CDYL: variants seen among roughly 807,000 people sequenced by gnomAD.
CDYL encodes chromodomain Y like.
Under a neutral mutation model 47.3 loss-of-function variants are expected in CDYL, and 8 were observed. The observed-to-expected ratio is 0.17, with a 90% CI of 0.10 to 0.31. The LOEUF is 0.31. Among genes scored for constraint, CDYL ranks in the 10% least tolerant of loss-of-function variants. The pLI, the probability that CDYL is intolerant of heterozygous loss-of-function variation, is 1.00. For missense variants in CDYL, 471 were observed against 701.4 expected (o/e 0.67, Z 3.71); for synonymous variants, 266 against 265.0 (o/e 1.00, Z -0.04).
At chr6:4,853,206 G>A (rs1423293340) in intron 1 of CDYL, among the ~76,000 whole-genome samples, 4 of 152,116 alleles carry the variant, frequency 2.6e-5, no homozygotes, top group East Asian at 1.9e-4. Context: ...CAGTAATTCC[G>A]TAGCCATTAC....
At chr6:4,900,885 A>G (rs1338514007) in intron 2 of CDYL, among the ~76,000 whole-genome samples, 1 of 138,242 alleles carries the variant, frequency 7.2e-6, no homozygotes, top group Non-Finnish European at 1.5e-5. Flanking sequence ...CATTTCGTGA[A>G]TGTACCTGTC....
Position 4,909,395 on chromosome 6 carries a change from T to C in CDYL, c.691+17016T>C, listed in dbSNP as rs573029143. On this transcript the variant is annotated intron_variant, in intron 2 of 6. Coordinates refer to ENST00000397588, the MANE Select transcript of CDYL (RefSeq NM_004824.4). ...CCTTTCCTGCATCCTTATTATCAGC[T>C]CTGCTGCTCACCATTGCCACCACCT... Among the ~76,000 whole-genome samples, 4 of 152,290 alleles carry C rather than the reference T, an allele frequency of 2.6e-5. No individual in the cohort carries two copies. In the South Asian group the frequency reaches 8.3e-4, roughly 32 times the overall value.
chr6:4,878,484 A>G (rs1252674337), intron 1 of CDYL, among the ~76,000 whole-genome samples: 1 of 151,920 alleles, frequency 6.6e-6, no homozygotes, highest in Non-Finnish European at 1.5e-5. Context: ...ATATATGTAT[A>G]TATTCATACT....
At chr6:4,894,869 A>G (rs1762154358) in intron 2 of CDYL, among the ~76,000 whole-genome samples, 1 of 20,688 alleles carries the variant, frequency 4.8e-5, no homozygotes, top group Non-Finnish European at 6.5e-4. Flanking sequence ...ATGTGTATAT[A>G]CACACATGTG....
chr6:4,725,278 C>T (rs957610092), intron 2 of CDYL, among the ~76,000 whole-genome samples: 3 of 152,242 alleles, frequency 2.0e-5, no homozygotes, highest in Admixed American at 6.5e-5. Flanking sequence ...CAGTGGATCC[C>T]GCACCGAGGG....
intron 2 of CDYL, among the ~76,000 whole-genome samples, chr6:4,729,960 C>A (rs1176588162): frequency 2.6e-5 from 4 of 152,084 alleles, no homozygotes; most frequent in Admixed American, 2.6e-4. Flanking sequence ...CTTGAAACAT[C>A]CAAAAACCCA....
Position 4,776,648 on chromosome 6 carries a change from C to A in CDYL, c.-136C>A. On this transcript the variant is annotated 5_prime_UTR_variant, in exon 1 of 7. Coordinates refer to ENST00000397588, the MANE Select transcript of CDYL (RefSeq NM_004824.4). ...TGGCCGCGGAGTGCAAGAGGCTCGTCCGTGCCCAGCGCCCGGCCGGCCGCG... is the reference window on the plus strand; with the variant it reads ...TGGCCGCGGAGTGCAAGAGGCTCGTACGTGCCCAGCGCCCGGCCGGCCGCG... 1 of 705,794 alleles carries A rather than the reference C, an allele frequency of 1.4e-6. No individual in the cohort carries two copies. Among genetic ancestry groups the A allele is most frequent in the Non-Finnish European group, 2.0e-6 (1 of 512,772 alleles). The allele number at this position is 705,794 out of a possible 1,614,324, so 43.7% of individuals were successfully genotyped here. A position where few individuals can be genotyped will look rare whatever the true frequency, so the allele number is the denominator to read the frequency against.
In CDYL at chr6:4,935,780, C is replaced by A. The variant is rs73350313; in HGVS notation, c.948+9C>A. Reference sequence around the variant, plus strand: ...ACTCACTAAATCCAGAGGTGAGAGGCGCTCTTGGGCTGGCGTGGGCTTCGC... The same window carrying A: ...ACTCACTAAATCCAGAGGTGAGAGGAGCTCTTGGGCTGGCGTGGGCTTCGC... On this transcript the variant is annotated intron_variant, in intron 3 of 6. Transcript: ENST00000397588. The A allele has an allele frequency of 6.2e-7, 1 of 1,612,538 alleles. No individual in the cohort carries two copies. Among genetic ancestry groups the A allele is most frequent in the African/African-American group, 1.3e-5 (1 of 74,990 alleles).
rs142044287 is a variant in CDYL, at chr6:4,729,650, G to T, written c.104-5112G>T. 2.5e-3 allele frequency among the ~76,000 whole-genome samples: 388 copies of T among 152,360 alleles called. 3 individuals carry two copies. The highest frequency in any genetic ancestry group is 9.2e-3 in the African/African-American group (382 of 41,586). On this transcript the variant is annotated intron_variant, in intron 2 of 8. Coordinates refer to the CDYL transcript ENST00000328908. ...TAAAAGGTGGAGGCTGGGCATGGTG[G>T]CTCATGTCTGTAATCCCAGCACTTT...
Position 4,722,965 on chromosome 6 carries a change from T to A in CDYL, c.103+7084T>A, listed in dbSNP as rs140386461. On this transcript the variant is annotated intron_variant, in intron 2 of 8. Coordinates refer to the CDYL transcript ENST00000328908. ...TACCCTAGCATAAGCAATCTTTGAA[T>A]GAAAATATCAAAATCATCAAGACCA... 3.9e-5 allele frequency among the ~76,000 whole-genome samples: 6 copies of A among 152,242 alleles called. No homozygotes were observed. The East Asian group carries it at 9.7e-4, about 25-fold the overall frequency.
intron 1 of CDYL, among the ~76,000 whole-genome samples, chr6:4,800,590 C>A (rs946440181): frequency 2.6e-5 from 4 of 152,052 alleles, no homozygotes; most frequent in African/African-American, 9.7e-5. Context: ...GACTAGAGAT[C>A]TTTCTTTAGC....
Position 4,891,743 on chromosome 6 carries a change from A to C in CDYL, c.55A>C (p.Lys19Gln). 1 of 1,613,082 alleles carries C rather than the reference A, an allele frequency of 6.2e-7. No individual in the cohort carries two copies. The highest frequency in any genetic ancestry group is 8.5e-7 in the Non-Finnish European group (1 of 1,179,438). The change falls in exon 2 of 7, where the codon AAA becomes CAA. Residue 19 changes from lysine to glutamine, a missense_variant. Lys to Gln is a moderately conservative substitution (Grantham distance 53). Coordinates refer to ENST00000397588, the MANE Select transcript of CDYL (RefSeq NM_004824.4). ...VERIVDKRKN[K>Q]KGKTEYLVRW... is the part of the protein sequence containing the mutation. ...AAGGATTGTTGACAAAAGGAAAAATAAAAAAGGGAAGACAGAGTATTTGGT... is the reference window on the plus strand; with the variant it reads ...AAGGATTGTTGACAAAAGGAAAAATCAAAAAGGGAAGACAGAGTATTTGGT...
chr6:4,914,192 G>T (rs907071396), intron 2 of CDYL, among the ~76,000 whole-genome samples: 2 of 143,354 alleles, frequency 1.4e-5, no homozygotes, highest in African/African-American at 5.2e-5. Context: ...TCTGCTCAAG[G>T]AGTGAAAGAG....
intron 1 of CDYL, among the ~76,000 whole-genome samples, chr6:4,878,691 C>CAATTAAATTAAA (rs1411013687): frequency 1.3e-5 from 2 of 151,934 alleles, no homozygotes; most frequent in Non-Finnish European, 2.9e-5. Flanking sequence ...TGACTTAGGG[C>CAATTAAATTAAA]TATATCAATT....
At chr6:4,722,554 T>C (rs1029195718) in intron 2 of CDYL, among the ~76,000 whole-genome samples, 4 of 152,002 alleles carry the variant, frequency 2.6e-5, no homozygotes, top group African/African-American at 9.7e-5. Flanking sequence ...CTAGAACTGC[T>C]ACAGTTTTAA....
At chr6:4,837,465 T>C (rs577331276) in intron 1 of CDYL, among the ~76,000 whole-genome samples, 22 of 148,030 alleles carry the variant, frequency 1.5e-4, no homozygotes, top group Non-Finnish European at 2.5e-4. Context: ...TTGTTGTCGT[T>C]GTTTTTTTTT....
intron 1 of CDYL, among the ~76,000 whole-genome samples, chr6:4,890,390 C>T (rs1762009876): frequency 6.6e-6 from 1 of 152,144 alleles, no homozygotes; most frequent in Admixed American, 6.5e-5. Flanking sequence ...GGTGACCTGA[C>T]GTTAATTCTG....
intron 1 of CDYL, among the ~76,000 whole-genome samples, chr6:4,865,029 G>GT (rs1761279641): frequency 6.6e-6 from 1 of 152,178 alleles, no homozygotes; most frequent in Non-Finnish European, 1.5e-5. Context: ...CCATTTTAAA[G>GT]TTTAACTTCC....
chr6:4,836,827 T>A (rs1760328815), intron 1 of CDYL, among the ~76,000 whole-genome samples: 1 of 152,174 alleles, frequency 6.6e-6, no homozygotes, highest in Non-Finnish European at 1.5e-5. Flanking sequence ...GGCACCTTGA[T>A]GGAGATGGTC....
Sources: allele counts gnomAD v4.1 joint callset (sites outside exome capture counted in the v4.1 genomes callset), GRCh38; gene constraint gnomAD v4.1.1; transcripts MANE v1.5; gene names NCBI Gene and HGNC (gene_info 2026-07-23, HGNC 2026-07-21).